SHC2: variants seen among roughly 807,000 people sequenced by gnomAD.
SHC2 encodes the protein SHC adaptor protein 2.
A neutral mutation model predicts 60.6 loss-of-function variants in SHC2; 62 were observed. The observed-to-expected ratio is 1.02, with a 90% CI of 0.83 to 1.26. SHC2 has a LOEUF of 1.26. Ranked by LOEUF, SHC2 falls within the 50% of genes most tolerant of loss-of-function variation. The pLI, the probability that SHC2 is intolerant of heterozygous loss-of-function variation, is 0.00. For synonymous variants in SHC2, 375 were observed against 372.4 expected (o/e 1.01, Z -0.08); for missense variants, 873 against 822.2 (o/e 1.06, Z -0.76).
In SHC2 at chr19:438,726, T is replaced by A. The variant is rs1461490225; in HGVS notation, c.712A>T (p.Thr238Ser). Residue 238 changes from threonine to serine, a missense_variant, in exon 4 of 13, where the codon ACG becomes TCG. Physicochemically the swap from Thr to Ser is moderately conservative, Grantham distance 58 (BLOSUM62 1). Coordinates refer to ENST00000264554, the MANE Select transcript of SHC2 (RefSeq NM_012435.3). The surrounding 1 kb of genome is among the most constrained non-coding windows in gnomAD (Gnocchi z 5.0). Reference protein sequence around the residue: ...TDGLSLSVPATRQVIANHHMP... With the variant: ...TDGLSLSVPASRQVIANHHMP... ...GAAGAGGGCAGACCCACCTGGCGCG[T>A]GGCAGGCACGGAGAGGCTGAGGCCA... is the stretch of plus-strand genomic sequence containing the variant. The A allele has an allele frequency of 2.6e-6, 4 of 1,559,386 alleles. No homozygotes were observed. Among genetic ancestry groups the A allele is most frequent in the Non-Finnish European group, 3.5e-6 (4 of 1,152,964 alleles).
chr19:418,855 A>G, intron 12 of SHC2, 68 bp downstream of exon 12: 5 of 1,516,476 alleles, frequency 3.3e-6, no homozygotes, highest in Non-Finnish European at 3.6e-6. Context: ...ACCGGGTCTC[A>G]ATTTTCAAAT....
chr19:458,288 G>GT (rs1288409471), intron 1 of SHC2, among the ~76,000 whole-genome samples: 1 of 132,018 alleles, frequency 7.6e-6, no homozygotes, highest in Non-Finnish European at 1.6e-5. Context: ...GCGGAAGTGG[G>GT]TCCCGGGGAG....
rs1600276348 is a variant in SHC2, at chr19:425,011, C to T, written c.1309+86G>A. 9 of 1,296,050 alleles carry T rather than the reference C, an allele frequency of 6.9e-6. No homozygotes were observed. The highest frequency in any genetic ancestry group is 1.5e-5 in the African/African-American group (1 of 65,780). The allele number at this position is 1,296,050 out of a possible 1,614,324, so 80.3% of individuals were successfully genotyped here. ...CCTCCCCCATCAGACCAGGGAATCC[C>T]GTAGGGAGTGGGGGTGGGGTTGTGC... On this transcript the variant is annotated intron_variant, in intron 10 of 12. Transcript: ENST00000264554. This position sits in a 1 kb window ranked among gnomAD's most constrained non-coding sequence, Gnocchi z 4.1.
intron 1 of SHC2, among the ~76,000 whole-genome samples, chr19:450,715 C>T (rs73489617): frequency 0.033 from 5,031 of 152,188 alleles, 271 homozygotes; most frequent in African/African-American, 0.11. Context: ...GATGGCCACA[C>T]TGTGTTGATC....
intron 9 of SHC2, among the ~76,000 whole-genome samples, chr19:429,935 A>AC (rs1156856064): frequency 5.5e-5 from 8 of 145,190 alleles, no homozygotes; most frequent in South Asian, 2.2e-4. Flanking sequence ...CAGTATCTAC[A>AC]CCCAACGTGC....
Position 422,434 on chromosome 19 carries a change from C to T in SHC2, c.1332G>A (p.Lys444=). Residue 444 remains lysine (K), a synonymous_variant, in exon 11 of 13, where the codon AAG becomes AAA. Transcript: ENST00000264554. This position sits in a 1 kb window ranked among gnomAD's most constrained non-coding sequence, Gnocchi z 5.0. ...CTGCCGCCACTGAGCACTCATGCAA[C>T]TTCAGGGCATCCTCAAAGGGTCCTG... ...FDMRPFEDAL[K]LHECSVAAGV... The T allele has an allele frequency of 1.3e-6, 2 of 1,572,064 alleles. No individual in the cohort carries two copies. Among genetic ancestry groups the T allele is most frequent in the Non-Finnish European group, 8.6e-7 (1 of 1,158,042 alleles).
chr19:436,210 T>C lies in SHC2; in HGVS notation c.908A>G (p.Lys303Arg). ...CTTGGGCGGGCTGTGCAGGTACTGC[T>C]TGAAGCGCAGCTCGAAAGCTTGGCC... ...TVGQAFELRF[K>R]QYLHSPPKVA... Residue 303 changes from lysine (K) to arginine (R), a missense_variant, in exon 7 of 13, where the codon AAG becomes AGG. By Grantham distance (26) the Lys-to-Arg change is conservative. Coordinates refer to ENST00000264554, the MANE Select transcript of SHC2 (RefSeq NM_012435.3). 6.2e-7 allele frequency: 1 copy of C among 1,607,574 alleles called. No individual in the cohort carries two copies. The highest frequency in any genetic ancestry group is 8.5e-7 in the Non-Finnish European group (1 of 1,177,680).
At position 453,996 on chromosome 19, in the gene SHC2, T is replaced by G. The variant is rs1975268266; in HGVS notation, c.468+6533A>C. 6.6e-6 allele frequency among the ~76,000 whole-genome samples: 1 copy of G among 152,214 alleles called. No homozygotes were observed. The highest frequency in any genetic ancestry group is 2.4e-5 in the African/African-American group (1 of 41,468). On this transcript the variant is annotated intron_variant, in intron 1 of 12. Transcript: ENST00000264554. This position sits in a 1 kb window ranked among gnomAD's most constrained non-coding sequence, Gnocchi z 6.3. ...GGTGTCCACAGACCTTGGCACGAAC[T>G]CTGGCCTCTCCAGGAGACAAGCTCT...
chr19:456,700 C>A (rs138819035), intron 1 of SHC2, among the ~76,000 whole-genome samples: 1 of 152,314 alleles, frequency 6.6e-6, no homozygotes, highest in Non-Finnish European at 1.5e-5. Context: ...TTTGCACCTG[C>A]TGTGCCCCCC....
intron 1 of SHC2, among the ~76,000 whole-genome samples, chr19:458,888 C>T (rs1480684566): frequency 2.0e-5 from 3 of 151,812 alleles, no homozygotes; most frequent in East Asian, 3.9e-4. Flanking sequence ...GGTTGTACTG[C>T]GCAGGCCGAG....
rs555087006 is a variant in SHC2 at position 458,179 on chromosome 19, A to C, written c.468+2350T>G. ...AAGCGGGTTCCGGGGAGGCAGACGC[A>C]TGTTCCGGGGGACGGGGAAGTGGGT... On this transcript the variant is annotated intron_variant, in intron 1 of 12. Coordinates refer to ENST00000264554, the MANE Select transcript of SHC2 (RefSeq NM_012435.3). 2.4e-5 allele frequency among the ~76,000 whole-genome samples: 2 copies of C among 84,330 alleles called. 1 individual carries two copies. Among genetic ancestry groups the C allele is most frequent in the Admixed American group, 2.6e-4 (2 of 7,622 alleles). The allele number at this position is 84,330 out of a possible 152,430, so 55.3% of individuals were successfully genotyped here. A position where few individuals can be genotyped will look rare whatever the true frequency, so the allele number is the denominator to read the frequency against.
rs1600301824 is a variant in SHC2, at chr19:440,012, T to G, written c.539+850A>C. Among the ~76,000 whole-genome samples the G allele has an allele frequency of 5.1e-5, 6 of 116,648 alleles. No individual in the cohort carries two copies. Among genetic ancestry groups the G allele is most frequent in the Non-Finnish European group, 5.0e-5 (3 of 59,984 alleles). The allele number at this position is 116,648 out of a possible 152,430, so 76.5% of individuals were successfully genotyped here. A position where few individuals can be genotyped will look rare whatever the true frequency, so the allele number is the denominator to read the frequency against. On this transcript the variant is annotated intron_variant, in intron 2 of 12. Transcript: ENST00000264554. The surrounding 1 kb of genome is among the most constrained non-coding windows in gnomAD (Gnocchi z 7.0). ...CTGCACTCCAGCCTGGGCAACAGAG[T>G]GAGACTCCATCTCAAAAAAAAAAAA...
chr19:439,621 G>A (rs1974812231), intron 2 of SHC2: 1 of 154,308 alleles, frequency 6.5e-6, no homozygotes, highest in Non-Finnish European at 1.4e-5. Context: ...GGGCATGTGG[G>A]AATTTTCACA....
chr19:438,839 T>G lies in SHC2; in HGVS notation c.601-2A>C. 6.4e-7 allele frequency: 1 copy of G among 1,564,644 alleles called. No homozygotes were observed. The highest frequency in any genetic ancestry group is 8.7e-7 in the Non-Finnish European group (1 of 1,155,718). ...GGACGCCAGGGCCTTGTTGGGGGCCTGAGTTGGGGGCGGAGCACAGCGAGG... is the reference window on the plus strand; with the variant it reads ...GGACGCCAGGGCCTTGTTGGGGGCCGGAGTTGGGGGCGGAGCACAGCGAGG... On this transcript the variant is annotated splice_acceptor_variant, in intron 3 of 12. Transcript: ENST00000264554. LOFTEE classifies it high-confidence loss of function. The surrounding 1 kb of genome is among the most constrained non-coding windows in gnomAD (Gnocchi z 5.0).
chr19:454,781 ACT>A (rs1263059427), intron 1 of SHC2, among the ~76,000 whole-genome samples: 1 of 134,984 alleles, frequency 7.4e-6, no homozygotes, highest in Non-Finnish European at 1.7e-5. Context: ...CAAGAGGGAA[ACT>A]CTGTCTCAAA....
chr19:454,825 C>T (rs1178192676), intron 1 of SHC2, among the ~76,000 whole-genome samples: 1 of 151,866 alleles, frequency 6.6e-6, no homozygotes, highest in Non-Finnish European at 1.5e-5. Flanking sequence ...TGCTTCCTCA[C>T]ACAGGCCTGA....
chr19:455,217 G>A (rs574777662), intron 1 of SHC2, among the ~76,000 whole-genome samples: 6 of 152,304 alleles, frequency 3.9e-5, no homozygotes, highest in South Asian at 4.1e-4. Context: ...GGTTCTTCTC[G>A]CAGGAGACAA....
At chr19:421,413 A>AGG (rs1974269316) in intron 11 of SHC2, among the ~76,000 whole-genome samples, 1 of 141,676 alleles carries the variant, frequency 7.1e-6, no homozygotes. Flanking sequence ...AAAAAAAAAA[A>AGG]AAAGAAAAGA....
rs779268783 is a variant in SHC2 at position 418,964 on chromosome 19, C to G, written c.1713G>C (p.Glu571Asp). The G allele has an allele frequency of 1.9e-6, 3 of 1,586,736 alleles. No individual in the cohort carries two copies. Among genetic ancestry groups the G allele is most frequent in the Admixed American group, 3.6e-5 (2 of 56,246 alleles). The change falls in exon 12 of 13, where the codon GAG becomes GAC. Residue 571 changes from glutamate (E) to aspartate (D), a missense_variant. By Grantham distance (45) the Glu-to-Asp change is conservative (BLOSUM62 2). Coordinates refer to ENST00000264554, the MANE Select transcript of SHC2 (RefSeq NM_012435.3). ...GTGAGACCACGCCACGCAGGTGCAG[C>G]TCACTCTCGGCGGCCACGATGGGCT... ...NGQPIVAAES[E>D]LHLRGVVSRE...
Sources: allele counts gnomAD v4.1 joint callset (sites outside exome capture counted in the v4.1 genomes callset), GRCh38; gene constraint gnomAD v4.1.1; non-coding constraint Gnocchi (gnomAD v3.1); transcripts MANE v1.5; gene names NCBI Gene and HGNC (gene_info 2026-07-23, HGNC 2026-07-21).